HYDIN: variants seen among roughly 807,000 people sequenced by gnomAD.
The protein encoded by HYDIN is HYDIN axonemal central pair apparatus protein, also known as axonemal central pair apparatus protein HYDIN.
A neutral mutation model predicts 403.9 loss-of-function variants in HYDIN; 132 were observed. The ratio of observed to expected loss-of-function variants is 0.33; its 90% CI spans 0.28 to 0.38. The LOEUF is 0.38. HYDIN is among the 10% of genes least tolerant of loss of function. HYDIN has a pLI of 1.00. For synonymous variants in HYDIN, 1,202 were observed against 1,891.7 expected (o/e 0.64, Z 9.46); for missense variants, 2,827 against 5,009.5 (o/e 0.56, Z 13.15).
At chr16:71,039,431 C>G (rs1173857602) in intron 18 of HYDIN, among the ~76,000 whole-genome samples, 1 of 152,134 alleles carries the variant, frequency 6.6e-6, no homozygotes, top group Non-Finnish European at 1.5e-5. Flanking sequence ...CCTGGCGAAA[C>G]CCTACCTTTA....
chr16:71,184,517 C>T (rs1444017380), intron 3 of HYDIN, among the ~76,000 whole-genome samples: 1 of 152,058 alleles, frequency 6.6e-6, no homozygotes, highest in African/African-American at 2.4e-5. Flanking sequence ...GTGGGCAGCT[C>T]AGATAAGGAG....
At chr16:70,839,805 G>A (rs1450436460) in intron 76 of HYDIN, among the ~76,000 whole-genome samples, 1 of 140,930 alleles carries the variant, frequency 7.1e-6, no homozygotes, top group East Asian at 2.2e-4. Flanking sequence ...ATAAATGGAA[G>A]TCATAAAACC....
intron 5 of HYDIN, among the ~76,000 whole-genome samples, chr16:71,169,070 G>A (rs1189307351): frequency 2.0e-5 from 3 of 152,164 alleles, no homozygotes; most frequent in Non-Finnish European, 4.4e-5. Flanking sequence ...GTTCACTGCA[G>A]CATTATTCAC....
rs1412782641 is a variant in HYDIN at position 71,178,979 on chromosome 16, G to A, written c.330C>T (p.Tyr110=). The change falls in exon 4 of 86, where the codon TAC becomes TAT. Residue 110 remains tyrosine, a synonymous_variant. Transcript: ENST00000393567. ...GAACTTCATAGACTTCACAGGGAGT[G>A]TAGTTCTGAAATATAATTTCTGATG... The part of the protein sequence containing the change: ...PFPSEIIFQN[Y]TPCEVYEVPL... 1.2e-6 allele frequency: 2 copies of A among 1,611,428 alleles called. No homozygotes were observed. The highest frequency in any genetic ancestry group is 1.7e-6 in the Non-Finnish European group (2 of 1,177,782).
At chr16:71,082,889 G>A (rs1179312653) in intron 12 of HYDIN, among the ~76,000 whole-genome samples, 1 of 150,226 alleles carries the variant, frequency 6.7e-6, no homozygotes, top group Non-Finnish European at 1.5e-5. Flanking sequence ...CACATTTAAA[G>A]TGTACAAATC....
Position 70,803,434 on chromosome 16 carries a change from G to A in HYDIN, c.*4146C>T, listed in dbSNP as rs375630047. Among the ~76,000 whole-genome samples the A allele has an allele frequency of 1.3e-5, 2 of 152,258 alleles. No individual in the cohort carries two copies. Among genetic ancestry groups the A allele is most frequent in the East Asian group, 1.9e-4 (1 of 5,192 alleles). On this transcript the variant is annotated 3_prime_UTR_variant, in exon 86 of 86. Coordinates refer to ENST00000393567, the MANE Select transcript of HYDIN (RefSeq NM_001270974.2). ...TCTTCTCTGACCTGTGACCATTCCTGTTGAAACTCTTCTAGACTAGGGGAT... is the reference window on the plus strand; with the variant it reads ...TCTTCTCTGACCTGTGACCATTCCTATTGAAACTCTTCTAGACTAGGGGAT...
intron 13 of HYDIN, among the ~76,000 whole-genome samples, chr16:71,073,756 G>A (rs2082540996): frequency 6.6e-6 from 1 of 152,130 alleles, no homozygotes; most frequent in Non-Finnish European, 1.5e-5. Flanking sequence ...TTGTTACTTG[G>A]TCCATTTATT....
rs549090158 is a variant in HYDIN at position 70,882,826 on chromosome 16, T to A, written c.10049A>T (p.His3350Leu). ...CCCGCTCTCTATGGTCTGCAGGATG[T>A]GGTGCAGGTTGGCACTGGTACATAT... ...HQICTSANLH[H>L]ILQTIESGGL... Residue 3350 changes from histidine to leucine, a missense_variant, in exon 60 of 86, where the codon CAC (histidine) becomes CTC (leucine). Physicochemically the swap from His to Leu is moderately conservative, Grantham distance 99. Coordinates refer to ENST00000393567, the MANE Select transcript of HYDIN (RefSeq NM_001270974.2). The A allele has an allele frequency of 1.3e-5, 20 of 1,528,140 alleles. No individual in the cohort carries two copies. In the African/African-American group the frequency reaches 2.4e-4, roughly 19 times the overall value. 94.7% of individuals were successfully genotyped at this position (1,528,140 alleles called of 1,614,324 possible). A position where few individuals can be genotyped will look rare whatever the true frequency, so the allele number is the denominator to read the frequency against.
At chr16:71,094,056 C>T (rs879124690) in intron 10 of HYDIN, 121 bp from the exon 11 acceptor site, 7 of 676,300 alleles carry the variant, frequency 1.0e-5, no homozygotes, top group Middle Eastern at 3.2e-4. Context: ...TGCATTGCAC[C>T]GAGGGAACTG....
At chr16:70,879,508 T>C (rs1457918865) in intron 61 of HYDIN, 22 bp from the exon 62 acceptor site, 1 of 1,611,396 alleles carries the variant, frequency 6.2e-7, no homozygotes, top group Non-Finnish European at 8.5e-7. Flanking sequence ...AGGAAGATTG[T>C]AGCCTGTCAG....
intron 1 of HYDIN, among the ~76,000 whole-genome samples, chr16:71,202,293 A>G (rs557735817): frequency 1.1e-4 from 16 of 152,372 alleles, no homozygotes; most frequent in Admixed American, 1.0e-3. Context: ...TATGCAATTC[A>G]TATTATTTTC....
intron 23 of HYDIN, among the ~76,000 whole-genome samples, chr16:70,996,960 C>T (rs907236629): frequency 7.4e-5 from 11 of 149,406 alleles, no homozygotes; most frequent in Non-Finnish European, 1.3e-4. Context: ...AACAATTATA[C>T]AACTCACCAT....
At chr16:70,908,531 G>T in intron 48 of HYDIN, 97 bp from the exon 49 acceptor site, 1 of 1,508,572 alleles carries the variant, frequency 6.6e-7, no homozygotes, top group Non-Finnish European at 8.9e-7. Context: ...GTTGGGGTGG[G>T]CATGGTGGCC....
intron 5 of HYDIN, among the ~76,000 whole-genome samples, chr16:71,165,661 T>C (rs533062937): frequency 6.6e-6 from 1 of 151,830 alleles, no homozygotes; most frequent in East Asian, 1.9e-4. Context: ...TAACAGAACA[T>C]TTGGTAGTGA....
chr16:71,212,307 T>G (rs2088635563), intron 1 of HYDIN, among the ~76,000 whole-genome samples: 1 of 152,174 alleles, frequency 6.6e-6, no homozygotes, highest in Admixed American at 6.5e-5. Context: ...TGTCATGATA[T>G]CTCCCTTACC....
intron 3 of HYDIN, 94 bp downstream of exon 3, chr16:71,184,771 T>C (rs2087065816): frequency 9.5e-7 from 1 of 1,052,806 alleles, no homozygotes; most frequent in Non-Finnish European, 1.4e-6. Flanking sequence ...AATAAAGGAT[T>C]AGGTAGCCAA....
At chr16:71,210,137 A>T (rs2088507395) in intron 1 of HYDIN, among the ~76,000 whole-genome samples, 1 of 152,214 alleles carries the variant, frequency 6.6e-6, no homozygotes, top group Non-Finnish European at 1.5e-5. Context: ...ACTACCATTC[A>T]ACCTAGCAAT....
intron 41 of HYDIN, among the ~76,000 whole-genome samples, chr16:70,948,330 G>A (rs1418170863): frequency 6.6e-6 from 1 of 152,128 alleles, no homozygotes; most frequent in Non-Finnish European, 1.5e-5. Flanking sequence ...AGACTTCAAT[G>A]TTAGTCCTAA....
chr16:71,069,268 C>A lies in HYDIN; in HGVS notation c.1973G>T (p.Arg658Met). 2 of 1,612,148 alleles carry A rather than the reference C, an allele frequency of 1.2e-6. No individual in the cohort carries two copies. The highest frequency in any genetic ancestry group is 1.7e-6 in the Non-Finnish European group (2 of 1,179,234). ...TIRPQGFAAI[R>M]VTLCSNTVQK... Reference sequence around the variant, plus strand: ...GTGCAGGAAGGCCATGCACTTTACCCTGATAGCAGCAAATCCCTGGGGGCG... The same window carrying A: ...GTGCAGGAAGGCCATGCACTTTACCATGATAGCAGCAAATCCCTGGGGGCG... Residue 658 changes from arginine to methionine, a missense_variant and splice_region_variant, in exon 14 of 86, where the codon AGG (arginine) becomes ATG (methionine). By Grantham distance (91) the Arg-to-Met change is moderately conservative. Transcript: ENST00000393567.
Sources: allele counts gnomAD v4.1 joint callset (sites outside exome capture counted in the v4.1 genomes callset), GRCh38; gene constraint gnomAD v4.1.1; transcripts MANE v1.5; gene names NCBI Gene and HGNC (gene_info 2026-07-23, HGNC 2026-07-21).